The following CEACAM4 variants were observed in gnomAD, a reference collection of about 807,000 sequenced individuals.
CEACAM4 encodes the protein CEA cell adhesion molecule 4.
CEACAM4 carries 30 observed loss-of-function variants against 28.7 expected under a neutral mutation model. That is an observed-to-expected ratio of 1.05 (90% confidence interval 0.78 to 1.42). The LOEUF is 1.42. Among genes scored for constraint, CEACAM4 ranks in the 40% most tolerant of loss-of-function variants. The probability of loss-of-function intolerance (pLI) is 0.00; values close to 1 mark genes in which losing one functional copy is unlikely to be tolerated. For synonymous variants in CEACAM4, 143 were observed against 126.5 expected (o/e 1.13, Z -0.87); for missense variants, 330 against 308.2 (o/e 1.07, Z -0.53).
In CEACAM4 at chr19:41,620,604, C is replaced by T. The variant is rs782104944; in HGVS notation, c.566G>A (p.Arg189Lys). ...TGRASIQRDLREQPPPASTPG... is the reference protein window; with the variant it reads ...TGRASIQRDLKEQPPPASTPG... The stretch of plus-strand genomic sequence containing the variant: ...GGTGGAGGCTGGGGGCGGCTGCTCC[C>T]TGAGGTCACGCTGGATGCTGGCCCT... The change falls in exon 4 of 7, where the codon AGG becomes AAG. Residue 189 changes from arginine to lysine, a missense_variant. Transcript: ENST00000221954. 6.2e-7 allele frequency: 1 copy of T among 1,612,826 alleles called. No homozygotes were observed. The highest frequency in any genetic ancestry group is 1.7e-5 in the Admixed American group (1 of 59,854).
chr19:41,622,952 T>C (rs782674225), intron 2 of CEACAM4, among the ~76,000 whole-genome samples: 1 of 152,166 alleles, frequency 6.6e-6, no homozygotes, highest in Non-Finnish European at 1.5e-5. Context: ...GCTCACAGCA[T>C]CCGTCTGTTC....
chr19:41,624,266 C>T (rs1431820595), intron 2 of CEACAM4, among the ~76,000 whole-genome samples: 1 of 152,204 alleles, frequency 6.6e-6, no homozygotes, highest in African/African-American at 2.4e-5. Context: ...TTCCCTCCCT[C>T]CTTCATGAGA....
intron 2 of CEACAM4, among the ~76,000 whole-genome samples, chr19:41,625,202 C>T (rs1198557577): frequency 6.6e-6 from 1 of 152,212 alleles, no homozygotes; most frequent in Non-Finnish European, 1.5e-5. Flanking sequence ...CACACCCCAG[C>T]CCTGACACAG....
At chr19:41,614,569 T>C (rs797023191), downstream of CEACAM4, among the ~76,000 whole-genome samples, 105 of 152,320 alleles carry the variant, frequency 6.9e-4, 1 homozygote, top group African/African-American at 2.4e-3. Context: ...ACATCATCCA[T>C]ATTTACCCTC....
At chr19:41,619,620 C>T (rs782301525) in intron 6 of CEACAM4, 50 bp downstream of exon 6, 1 of 1,572,814 alleles carries the variant, frequency 6.4e-7, no homozygotes, top group Non-Finnish European at 8.6e-7. Flanking sequence ...GGGGCAGATC[C>T]TGGGTCCCCT....
chr19:41,620,072 G>A, intron 5 of CEACAM4, 139 bp downstream of exon 5: 1 of 787,728 alleles, frequency 1.3e-6, no homozygotes, highest in Non-Finnish European at 1.9e-6. Flanking sequence ...CCCGGATCCT[G>A]GCCGGAGGCA....
chr19:41,621,382 C>T (rs3890968), intron 3 of CEACAM4, among the ~76,000 whole-genome samples: 19,158 of 152,056 alleles, frequency 0.13, 1,654 homozygotes, highest in East Asian at 0.34. Context: ...CCCTCCCTCC[C>T]TCCCTCCCTT....
chr19:41,620,602 C>T lies in CEACAM4; in HGVS notation c.568G>A (p.Glu190Lys). The T allele has an allele frequency of 6.2e-7, 1 of 1,612,058 alleles. No individual in the cohort carries two copies. Among genetic ancestry groups the T allele is most frequent in the Non-Finnish European group, 8.5e-7 (1 of 1,178,980 alleles). ...GGGGTGGAGGCTGGGGGCGGCTGCT[C>T]CCTGAGGTCACGCTGGATGCTGGCC... The part of the protein sequence containing the change: ...GRASIQRDLR[E>K]QPPPASTPGH... The change falls in exon 4 of 7, where the codon GAG (glutamate) becomes AAG (lysine). Residue 190 changes from glutamate to lysine, a missense_variant. Glu to Lys is a moderately conservative substitution (Grantham distance 56, BLOSUM62 1). Coordinates refer to ENST00000221954, the MANE Select transcript of CEACAM4 (RefSeq NM_001817.4).
downstream of CEACAM4, among the ~76,000 whole-genome samples, chr19:41,616,354 T>C (rs1280021769): frequency 1.3e-5 from 2 of 152,284 alleles, no homozygotes; most frequent in East Asian, 1.9e-4. Flanking sequence ...CTTCAGTGTG[T>C]TCTGATAGCC....
chr19:41,626,055 A>C (rs2071629311), intron 1 of CEACAM4, 95 bp from the exon 2 acceptor site: 1 of 1,033,272 alleles, frequency 9.7e-7, no homozygotes, highest in African/African-American at 1.7e-5. Flanking sequence ...CTCATCCCTC[A>C]GCCTTGGAGT....
At chr19:41,621,370 C>A (rs1464353546) in intron 3 of CEACAM4, among the ~76,000 whole-genome samples, 1 of 151,882 alleles carries the variant, frequency 6.6e-6, no homozygotes, top group African/African-American at 2.4e-5. Flanking sequence ...CCCGTCTTAT[C>A]TCCCTCCCTC....
rs2071712723 is a variant in CEACAM4, at chr19:41,627,018, C to A, written c.-55G>T. The A allele has an allele frequency of 8.8e-6, 13 of 1,477,866 alleles. No homozygotes were observed. The highest frequency in any genetic ancestry group is 5.0e-5 in the East Asian group (2 of 40,400). The allele number at this position is 1,477,866 out of a possible 1,614,324, so 91.5% of individuals were successfully genotyped here. ...AGAGGAGCTGGGCTCCAGGAACGCT[C>A]TTGTCAGAGCTGCTGTGACTGTCGG... On this transcript the variant is annotated 5_prime_UTR_variant, in exon 1 of 7. Transcript: ENST00000221954.
chr19:41,614,277 T>C (rs1426872347), downstream of CEACAM4, among the ~76,000 whole-genome samples: 2 of 152,236 alleles, frequency 1.3e-5, no homozygotes, highest in African/African-American at 2.4e-5. Context: ...TCAACATGTA[T>C]TTATGAAGTA....
At chr19:41,621,518 A>G in intron 3 of CEACAM4, 133 bp downstream of exon 3, 1 of 572,094 alleles carries the variant, frequency 1.7e-6, no homozygotes, top group South Asian at 2.5e-5. Flanking sequence ...GCAAGGGAGG[A>G]GCCATGGAAT....
At chr19:41,619,575 AT>A in intron 6 of CEACAM4, 94 bp downstream of exon 6, 1 of 1,555,546 alleles carries the variant, frequency 6.4e-7, no homozygotes, top group Non-Finnish European at 8.7e-7. Context: ...TTTTCACTGC[AT>A]TTTCCTGAAT....
In CEACAM4 at chr19:41,625,931, T is replaced by C; in HGVS notation, c.94A>G (p.Thr32Ala). 1 of 1,612,928 alleles carries C rather than the reference T, an allele frequency of 6.2e-7. No individual in the cohort carries two copies. Among genetic ancestry groups the C allele is most frequent in the African/African-American group, 1.3e-5 (1 of 74,908 alleles). Reference sequence around the variant, plus strand: ...GCTTCAATAGTGAACTGGACAGTGGTGGGCGGGTGCCAGAAGGTTAAAAGT... The same window carrying C: ...GCTTCAATAGTGAACTGGACAGTGGCGGGCGGGTGCCAGAAGGTTAAAAGT... ...ASLLTFWHPP[T>A]TVQFTIEALP... is the part of the protein sequence containing the mutation. The change falls in exon 2 of 7, where the codon ACC becomes GCC. Residue 32 changes from threonine (T) to alanine (A), a missense_variant. Physicochemically the swap from Thr to Ala is moderately conservative, Grantham distance 58. Transcript: ENST00000221954.
rs1568660424 is a variant in CEACAM4 at position 41,625,707 on chromosome 19, G to A, written c.318C>T (p.Ser106=). 3.1e-6 allele frequency: 5 copies of A among 1,614,002 alleles called. No homozygotes were observed. Among genetic ancestry groups the A allele is most frequent in the Non-Finnish European group, 4.2e-6 (5 of 1,179,978 alleles). Residue 106 remains serine, a synonymous_variant, in exon 2 of 7, where the codon TCC becomes TCT. Coordinates refer to ENST00000221954, the MANE Select transcript of CEACAM4 (RefSeq NM_001817.4). ...CCAGGGTGATGTTTTGGAACAGCAGGGATCCATTGGGGTATACTGTCTCTC... is the reference window on the plus strand; with the variant it reads ...CCAGGGTGATGTTTTGGAACAGCAGAGATCCATTGGGGTATACTGTCTCTC... ...SGRETVYPNG[S]LLFQNITLED...
In CEACAM4 at chr19:41,625,595, A is replaced by G. The variant is rs1555803458; in HGVS notation, c.424+6T>C. 1 of 1,560,764 alleles carries G rather than the reference A, an allele frequency of 6.4e-7. No individual in the cohort carries two copies. The highest frequency in any genetic ancestry group is 1.8e-5 in the Admixed American group (1 of 54,880). On this transcript the variant is annotated splice_donor_region_variant and intron_variant, in intron 2 of 6. Transcript: ENST00000221954. Reference sequence around the variant, plus strand: ...CAGCACCCAGAGGTATGGGGGAATCACTCACGGTGTACGTGGAGCTGGCCA... The same window carrying G: ...CAGCACCCAGAGGTATGGGGGAATCGCTCACGGTGTACGTGGAGCTGGCCA...
At chr19:41,623,707 C>T (rs536869807) in intron 2 of CEACAM4, among the ~76,000 whole-genome samples, 2 of 152,150 alleles carry the variant, frequency 1.3e-5, no homozygotes, top group African/African-American at 4.8e-5. Flanking sequence ...TCCCATAAAC[C>T]CCCAGCAGGT....
Sources: gnomAD v4.1 joint callset for allele counts (sites outside exome capture counted in the v4.1 genomes callset) on GRCh38, gnomAD v4.1.1 for gene constraint, MANE v1.5 for transcripts, NCBI Gene and HGNC (gene_info 2026-07-23, HGNC 2026-07-21) for gene names.